SUCO: variants seen among roughly 807,000 people sequenced by gnomAD.
SUCO encodes SUN domain-containing ossification factor.
A neutral mutation model predicts 148.1 loss-of-function variants in SUCO; 57 were observed. That is an observed-to-expected ratio of 0.38 (90% CI 0.31 to 0.48). The LOEUF is 0.48. Ranked by LOEUF, SUCO falls within the 20% of genes least tolerant of loss-of-function variation. SUCO has a pLI of 0.96. For missense variants in SUCO, 1,331 were observed against 1,468.2 expected, an observed-to-expected ratio of 0.91 and a Z score of 1.53; for synonymous variants, 470 against 502.7, an observed-to-expected ratio of 0.93 and a Z score of 0.87.
chr1:172,571,303 C>T (rs1206787548), intron 9 of SUCO, among the ~76,000 whole-genome samples: 7 of 152,334 alleles, frequency 4.6e-5, no homozygotes, highest in East Asian at 1.9e-4. Flanking sequence ...GCGAGTGATC[C>T]GCCAGCCTCG....
At chr1:172,581,029 G>C (rs1028771803) in intron 15 of SUCO, among the ~76,000 whole-genome samples, 1 of 152,122 alleles carries the variant, frequency 6.6e-6, no homozygotes, top group African/African-American at 2.4e-5. Context: ...GAACCCAGGA[G>C]GCGGAGGTTG....
At chr1:172,533,709 G>C (rs1210439462) in intron 1 of SUCO, among the ~76,000 whole-genome samples, 2 of 152,212 alleles carry the variant, frequency 1.3e-5, no homozygotes, top group Non-Finnish European at 2.9e-5. Context: ...AATTTACAGA[G>C]ACTCAGTGGG....
intron 1 of SUCO, among the ~76,000 whole-genome samples, chr1:172,538,836 G>T (rs1056500621): frequency 2.0e-5 from 3 of 152,164 alleles, no homozygotes; most frequent in African/African-American, 7.2e-5. Flanking sequence ...TACAGTGTCA[G>T]ATCCCTTCAG....
chr1:172,594,959 G>T (rs1457776150), intron 19 of SUCO, among the ~76,000 whole-genome samples: 1 of 152,144 alleles, frequency 6.6e-6, no homozygotes, highest in African/African-American at 2.4e-5. Flanking sequence ...ATGAATCTGG[G>T]TGCTCCTGTA....
intron 19 of SUCO, among the ~76,000 whole-genome samples, chr1:172,595,000 G>A (rs2149265097): frequency 6.6e-6 from 1 of 152,214 alleles, no homozygotes; most frequent in East Asian, 1.9e-4. Flanking sequence ...AGGATGGTTA[G>A]CTCTTCTTGT....
At chr1:172,576,741 A>G (rs1453633119) in intron 11 of SUCO, 2 of 224,086 alleles carry the variant, frequency 8.9e-6, no homozygotes, top group Non-Finnish European at 1.5e-5. Context: ...GTGGGAGATT[A>G]TACAGCATTT....
chr1:172,569,416 T>C (rs962515834), intron 7 of SUCO: 6 of 979,676 alleles, frequency 6.1e-6, no homozygotes, highest in Non-Finnish European at 7.3e-6. Context: ...ACGAGGAAAA[T>C]TGAGGCATGG....
Position 172,610,380 on chromosome 1 carries a change from T to C in SUCO, c.*121T>C, listed in dbSNP as rs1205709982. On this transcript the variant is annotated 3_prime_UTR_variant, in exon 24 of 24. Transcript: ENST00000263688. Reference sequence around the variant, plus strand: ...TAATGGGAAAGGCATTCAGAAATTATGGTTTCTACCTTTTTAAAAAGTAGA... The same window carrying C: ...TAATGGGAAAGGCATTCAGAAATTACGGTTTCTACCTTTTTAAAAAGTAGA... 10 of 1,411,460 alleles carry C rather than the reference T, an allele frequency of 7.1e-6. No individual in the cohort carries two copies. Among genetic ancestry groups the C allele is most frequent in the East Asian group, 2.6e-5 (1 of 38,948 alleles). The allele number at this position is 1,411,460 out of a possible 1,614,324, so 87.4% of individuals were successfully genotyped here.
At chr1:172,599,258 GGCGGAGCTTGCA>G (rs1657340159) in intron 19 of SUCO, 2 of 155,190 alleles carry the variant, frequency 1.3e-5, no homozygotes, top group African/African-American at 4.8e-5. Flanking sequence ...GAACCCGGGA[GGCGGAGCTTGCA>G]GTGAGCTGAG....
In SUCO at chr1:172,533,477, C is replaced by T. The variant is rs45505403; in HGVS notation, c.42C>T (p.Leu14=). ...HRRALALVSC[L]FLCSLVWLPS... ...GGGCCTTGGCCCTGGTCTCCTGCCT[C>T]TTTCTGTGCTCTCTGGTCTGGTGAG... is the stretch of plus-strand genomic sequence containing the variant. Residue 14 remains leucine, a synonymous_variant, in exon 1 of 24, where the codon CTC becomes CTT. Coordinates refer to ENST00000263688, the MANE Select transcript of SUCO (RefSeq NM_014283.5). The T allele has an allele frequency of 2.9e-3, 4,602 of 1,564,858 alleles. 12 individuals carry two copies. Among genetic ancestry groups the T allele is most frequent in the Non-Finnish European group, 3.6e-3 (4,194 of 1,153,936 alleles).
chr1:172,581,620 G>C (rs1354667339), intron 15 of SUCO, among the ~76,000 whole-genome samples: 1 of 152,132 alleles, frequency 6.6e-6, no homozygotes, highest in East Asian at 1.9e-4. Context: ...CTGATTCAAA[G>C]AACTGGTCTT....
At position 172,566,386 on chromosome 1, in the gene SUCO, C is replaced by G. The variant is rs150955551; in HGVS notation, c.733-2633C>G. Among the ~76,000 whole-genome samples, 533 of 152,344 alleles carry G rather than the reference C, an allele frequency of 3.5e-3. 1 individual carries two copies. The highest frequency in any genetic ancestry group is 6.4e-3 in the Non-Finnish European group (436 of 68,040). ...TCTCTGCTGTTGCATCATCTTGCCT[C>G]TCCTCCAGTCACTGCCATCTCTGCT... is the stretch of plus-strand genomic sequence containing the variant. On this transcript the variant is annotated intron_variant, in intron 6 of 23. Coordinates refer to ENST00000263688, the MANE Select transcript of SUCO (RefSeq NM_014283.5).
chr1:172,557,496 G>A lies in SUCO; in HGVS notation c.581+79G>A, dbSNP rs973675270. The A allele has an allele frequency of 9.6e-6, 15 of 1,561,564 alleles. No homozygotes were observed. The African/African-American group carries it at 2.1e-4, about 21-fold the overall frequency. On this transcript the variant is annotated intron_variant, in intron 5 of 23. Transcript: ENST00000263688. ...CCTGTTTGAATGGACTTTGGTGTAT[G>A]TTAAATTCCACTTTGATTGAGAGAA...
At chr1:172,591,688 A>G (rs1378913173) in intron 19 of SUCO, among the ~76,000 whole-genome samples, 2 of 151,796 alleles carry the variant, frequency 1.3e-5, no homozygotes, top group African/African-American at 2.4e-5. Flanking sequence ...ATTGTTGGAC[A>G]TTTGGGTTGG....
intron 22 of SUCO, among the ~76,000 whole-genome samples, chr1:172,603,615 A>G (rs540654005): frequency 3.9e-5 from 6 of 152,034 alleles, no homozygotes; most frequent in South Asian, 2.1e-4. Flanking sequence ...TTTGGTTGAT[A>G]TGTCTTTTTA....
chr1:172,557,528 T>G (rs1281025565), intron 5 of SUCO, 111 bp downstream of exon 5: 3 of 1,497,088 alleles, frequency 2.0e-6, no homozygotes, highest in African/African-American at 1.4e-5. Flanking sequence ...AGAAAGCTGA[T>G]CTCTTTGTGT....
At chr1:172,595,732 G>T (rs1203126597) in intron 19 of SUCO, among the ~76,000 whole-genome samples, 2 of 152,110 alleles carry the variant, frequency 1.3e-5, no homozygotes, top group Admixed American at 6.5e-5. Context: ...TTTCAACTTT[G>T]GTGAATCTGA....
upstream of SUCO, chr1:172,532,881 T>TG (rs1418730835): frequency 5.4e-6 from 8 of 1,484,372 alleles, no homozygotes; most frequent in Non-Finnish European, 7.2e-6. Flanking sequence ...GGGCGGGACC[T>TG]GGGGCGGGCG....
chr1:172,599,407 C>T (rs1657353296), intron 19 of SUCO: 13 of 810,900 alleles, frequency 1.6e-5, no homozygotes, highest in Non-Finnish European at 1.9e-5. Context: ...TGTAGAATTC[C>T]CTAAAGTATG....
Sources: allele counts gnomAD v4.1 joint callset (sites outside exome capture counted in the v4.1 genomes callset), GRCh38; gene constraint gnomAD v4.1.1; transcripts MANE v1.5; gene names NCBI Gene and HGNC (gene_info 2026-07-23, HGNC 2026-07-21).